The following ABCA13 variants were observed in gnomAD, a reference collection of about 807,000 sequenced individuals.
The protein encoded by ABCA13 is ATP binding cassette subfamily A member 13.
In ABCA13, 476 loss-of-function variants were observed where a neutral mutation model predicts 478.7. The observed-to-expected ratio is 0.99, with a 90% CI of 0.92 to 1.07. The LOEUF is 1.07. Ranked by LOEUF, ABCA13 falls within the 50% of genes least tolerant of loss-of-function variation. The pLI, the probability that ABCA13 is intolerant of heterozygous loss-of-function variation, is 0.00. For synonymous variants in ABCA13, 2,252 were observed against 2,158.9 expected (o/e 1.04, Z -1.20); for missense variants, 6,060 against 5,910.6 (o/e 1.03, Z -0.83).
At chr7:48,371,265 C>T (rs1812586796) in intron 32 of ABCA13, among the ~76,000 whole-genome samples, 1 of 151,782 alleles carries the variant, frequency 6.6e-6, no homozygotes, top group Non-Finnish European at 1.5e-5. Context: ...TATACAGGCT[C>T]TTTTTTTTGG....
chr7:48,322,712 G>A (rs995574888), intron 27 of ABCA13, among the ~76,000 whole-genome samples: 1 of 152,190 alleles, frequency 6.6e-6, no homozygotes, highest in Admixed American at 6.5e-5. Context: ...CAGGCACTGT[G>A]TGTTTTTGCT....
chr7:48,421,211 T>C (rs1174240826), intron 41 of ABCA13, among the ~76,000 whole-genome samples: 1 of 152,154 alleles, frequency 6.6e-6, no homozygotes, highest in East Asian at 1.9e-4. Context: ...CTTTTTTTTT[T>C]TGAGGATATA....
chr7:48,412,202 T>G, intron 40 of ABCA13, 151 bp from the exon 41 acceptor site: 1 of 612,814 alleles, frequency 1.6e-6, no homozygotes, highest in Non-Finnish European at 2.8e-6. Context: ...CGAGATGTCA[T>G]TGAGATGCCT....
intron 59 of ABCA13, among the ~76,000 whole-genome samples, chr7:48,625,516 T>C (rs1430598527): frequency 6.6e-6 from 1 of 152,022 alleles, no homozygotes; most frequent in East Asian, 1.9e-4. Context: ...CTAGAAATGA[T>C]TTTAAGAGAG....
At chr7:48,387,178 T>A (rs1012552902) in intron 35 of ABCA13, among the ~76,000 whole-genome samples, 1 of 152,012 alleles carries the variant, frequency 6.6e-6, no homozygotes, top group Non-Finnish European at 1.5e-5. Context: ...TTTAGGTAAG[T>A]TACGTTCATC....
intron 58 of ABCA13, chr7:48,603,643 G>A: frequency 5.8e-6 from 1 of 172,414 alleles, no homozygotes; most frequent in South Asian, 1.2e-4. Flanking sequence ...GTATTTTATT[G>A]AGGATTTTCG....
At chr7:48,495,226 G>A (rs545957986) in intron 48 of ABCA13, among the ~76,000 whole-genome samples, 4 of 152,256 alleles carry the variant, frequency 2.6e-5, no homozygotes, top group African/African-American at 9.6e-5. Context: ...AAGCACATTA[G>A]TTTCAAAGGA....
intron 8 of ABCA13, among the ~76,000 whole-genome samples, chr7:48,238,672 G>T (rs1410276237): frequency 6.6e-6 from 1 of 152,126 alleles, no homozygotes; most frequent in Non-Finnish European, 1.5e-5. Flanking sequence ...GTTTCACCAT[G>T]TTAGCCAGGA....
chr7:48,603,155 T>C (rs917986930), intron 58 of ABCA13, among the ~76,000 whole-genome samples: 3 of 152,208 alleles, frequency 2.0e-5, no homozygotes, highest in Admixed American at 2.0e-4. Flanking sequence ...TTGCTAAATA[T>C]ATAGTCATGT....
rs575677130 is a variant in ABCA13 at position 48,624,698 on chromosome 7, G to A, written c.14837+9321G>A. ...AGCCTCCCAAGTAGCTGGGATTACA[G>A]GCATGCACCACCATGCCCAGCTAAT... is the stretch of plus-strand genomic sequence containing the variant. On this transcript the variant is annotated intron_variant, in intron 59 of 61. Transcript: ENST00000435803. Among the ~76,000 whole-genome samples, 6 of 152,086 alleles carry A rather than the reference G, an allele frequency of 3.9e-5. No homozygotes were observed. The East Asian group carries it at 1.2e-3, about 29-fold the overall frequency.
At chr7:48,464,062 T>A (rs1220012216) in intron 43 of ABCA13, among the ~76,000 whole-genome samples, 1 of 152,136 alleles carries the variant, frequency 6.6e-6, no homozygotes, top group East Asian at 1.9e-4. Flanking sequence ...AAGAGATGAT[T>A]ATTAGAGAGA....
intron 26 of ABCA13, among the ~76,000 whole-genome samples, chr7:48,315,135 C>T (rs1802378620): frequency 6.6e-6 from 1 of 152,144 alleles, no homozygotes; most frequent in Non-Finnish European, 1.5e-5. Context: ...AACAGTAGCA[C>T]CTGGCTCATA....
chr7:48,420,702 A>G (rs1049828065), intron 41 of ABCA13, among the ~76,000 whole-genome samples: 3 of 150,818 alleles, frequency 2.0e-5, no homozygotes, highest in African/African-American at 7.3e-5. Context: ...TTAAGAGGTA[A>G]AGCCTGGGCC....
chr7:48,365,513 T>C (rs1263873911), intron 31 of ABCA13, among the ~76,000 whole-genome samples: 1 of 152,178 alleles, frequency 6.6e-6, no homozygotes, highest in Non-Finnish European at 1.5e-5. Context: ...CTGAAGCAGT[T>C]CTCTGATATT....
At chr7:48,323,613 A>AAT (rs1343689993) in intron 27 of ABCA13, among the ~76,000 whole-genome samples, 2 of 152,198 alleles carry the variant, frequency 1.3e-5, no homozygotes, top group East Asian at 3.8e-4. Flanking sequence ...GGTAGGTACT[A>AAT]ATATCCCCAT....
rs149804756 is a variant in ABCA13, at chr7:48,320,694, G to A, written c.9999+3398G>A. ...AATTATATTGTTTTCCCAAGAATAA[G>A]TAGCATGCCTGAAATGATACTTCAG... On this transcript the variant is annotated intron_variant, in intron 27 of 61. Coordinates refer to ENST00000435803, the MANE Select transcript of ABCA13 (RefSeq NM_152701.5). 2.0e-3 allele frequency among the ~76,000 whole-genome samples: 308 copies of A among 152,294 alleles called. 1 individual carries two copies. Among genetic ancestry groups the A allele is most frequent in the African/African-American group, 7.0e-3 (291 of 41,562 alleles).
In ABCA13 at chr7:48,645,693, G is replaced by T. The variant is rs1795398461; in HGVS notation, c.*181G>T. The T allele has an allele frequency of 3.5e-6, 2 of 575,606 alleles. No homozygotes were observed. Among genetic ancestry groups the T allele is most frequent in the Non-Finnish European group, 6.0e-6 (2 of 335,300 alleles). 35.7% of individuals were successfully genotyped at this position (575,606 alleles called of 1,614,324 possible). Reference sequence around the variant, plus strand: ...TAGTTAATAACCACCAAATGGAAAGGTCATTCTTTCTGCAGACTTTTGGGG... The same window carrying T: ...TAGTTAATAACCACCAAATGGAAAGTTCATTCTTTCTGCAGACTTTTGGGG... On this transcript the variant is annotated 3_prime_UTR_variant, in exon 62 of 62. Transcript: ENST00000435803.
At chr7:48,248,180 A>C in intron 13 of ABCA13, 59 bp from the exon 14 acceptor site, 1 of 1,446,088 alleles carries the variant, frequency 6.9e-7, no homozygotes, top group Non-Finnish European at 9.5e-7. Context: ...GCTGCGTCTC[A>C]AATACCCACA....
intron 26 of ABCA13, among the ~76,000 whole-genome samples, chr7:48,314,611 C>T (rs1802276962): frequency 6.6e-6 from 1 of 152,154 alleles, no homozygotes; most frequent in African/African-American, 2.4e-5. Flanking sequence ...AATCCTCTCA[C>T]CTGAGTCACT....
Sources: allele counts gnomAD v4.1 joint callset (sites outside exome capture counted in the v4.1 genomes callset), GRCh38; gene constraint gnomAD v4.1.1; transcripts MANE v1.5; gene names NCBI Gene and HGNC (gene_info 2026-07-23, HGNC 2026-07-21).